Variants in CEBPZ observed in about 807,000 individuals in gnomAD.
The protein encoded by CEBPZ is CCAAT enhancer binding protein zeta, also known as CCAAT/enhancer-binding protein zeta.
Under a neutral mutation model 104.5 loss-of-function variants are expected in CEBPZ, and 78 were observed. The ratio of observed to expected loss-of-function variants is 0.75; its 90% CI spans 0.62 to 0.90. The LOEUF is 0.90. CEBPZ is among the 40% of genes least tolerant of loss of function. CEBPZ has a pLI of 0.00. For missense variants in CEBPZ, 1,439 were observed against 1,233.5 expected (o/e 1.17, Z -2.50); for synonymous variants, 470 against 427.0 (o/e 1.10, Z -1.24).
intron 5 of CEBPZ, 81 bp from the exon 6 acceptor site, chr2:37,217,118 C>A: frequency 8.0e-7 from 1 of 1,253,354 alleles, no homozygotes. Context: ...GAAAATCGGG[C>A]TGGGTGTGGT....
In CEBPZ at chr2:37,201,747, T is replaced by A. The variant is rs759125495; in HGVS notation, c.*17A>T. On this transcript the variant is annotated 3_prime_UTR_variant, in exon 16 of 16. Coordinates refer to ENST00000234170, the MANE Select transcript of CEBPZ (RefSeq NM_005760.3). ...TAGATGTAAGTAGAATTTTAATCTA[T>A]AATTTACATTAATAACTCATTTCCT... The A allele has an allele frequency of 7.7e-6, 10 of 1,290,644 alleles. No homozygotes were observed. Among genetic ancestry groups the A allele is most frequent in the Non-Finnish European group, 1.1e-5 (10 of 899,300 alleles). 79.9% of individuals were successfully genotyped at this position (1,290,644 alleles called of 1,614,324 possible). A position where few individuals can be genotyped will look rare whatever the true frequency, so the allele number is the denominator to read the frequency against.
chr2:37,212,953 C>T (rs1486270159), intron 10 of CEBPZ, among the ~76,000 whole-genome samples: 13 of 150,566 alleles, frequency 8.6e-5, no homozygotes, highest in African/African-American at 2.2e-4. Context: ...GCAGGAAAAT[C>T]GCCTGAGCCC....
At chr2:37,210,884 C>G in intron 13 of CEBPZ, 115 bp downstream of exon 13, 66 of 414,232 alleles carry the variant, frequency 1.6e-4, no homozygotes, top group East Asian at 3.4e-4. Flanking sequence ...TTAAAAAGAA[C>G]CCCCCCCACC....
At chr2:37,205,814 T>C (rs955536145) in intron 13 of CEBPZ, among the ~76,000 whole-genome samples, 4 of 152,212 alleles carry the variant, frequency 2.6e-5, no homozygotes. Flanking sequence ...TATTAGCACC[T>C]TGTGTTACAC....
intron 13 of CEBPZ, chr2:37,203,657 A>T (rs971948449): frequency 6.6e-6 from 1 of 152,242 alleles, no homozygotes; most frequent in Admixed American, 6.5e-5. Flanking sequence ...GACTTGTTCA[A>T]CCACAACCAC....
rs370959543 is a variant in CEBPZ at position 37,223,292 on chromosome 2, C to A, written c.1759G>T (p.Val587Leu). Reference sequence around the variant, plus strand: ...CAAGTAACTTGAAGTAACCTCTTCACAAAAGCCTTCACCCGGCGCAACACA... The same window carrying A: ...CAAGTAACTTGAAGTAACCTCTTCAAAAAAGCCTTCACCCGGCGCAACACA... ...DIVLRRVKAF[V>L]KRLLQVTCQQ... The change falls in exon 3 of 16, where the codon GTG becomes TTG. Residue 587 changes from valine to leucine, a missense_variant. By Grantham distance (32) the Val-to-Leu change is conservative. Coordinates refer to ENST00000234170, the MANE Select transcript of CEBPZ (RefSeq NM_005760.3). The A allele has an allele frequency of 1.5e-5, 25 of 1,613,998 alleles. No homozygotes were observed. In the Admixed American group the frequency reaches 2.0e-4, roughly 13 times the overall value.
chr2:37,211,825 ATTT>A lies in CEBPZ; in HGVS notation c.2800+15_2800+17del, dbSNP rs1407458561. ...GTGAGGAAGACACAGTTTATGTCTTATTTTAAAAAATGCTTACCTGGAACGCTC... is the reference window on the plus strand; with the variant it reads ...GTGAGGAAGACACAGTTTATGTCTTATAAAAAATGCTTACCTGGAACGCTC... On this transcript the variant is annotated intron_variant, in intron 12 of 15. Transcript: ENST00000234170. 1 of 1,554,590 alleles carries A rather than the reference ATTT, an allele frequency of 6.4e-7. No homozygotes were observed. The highest frequency in any genetic ancestry group is 8.7e-7 in the Non-Finnish European group (1 of 1,151,966).
intron 10 of CEBPZ, among the ~76,000 whole-genome samples, chr2:37,213,060 A>G (rs1036980146): frequency 9.9e-5 from 15 of 151,662 alleles, no homozygotes; most frequent in Middle Eastern, 3.4e-3. Context: ...AAACAAACAA[A>G]CCCCCCAAAA....
chr2:37,229,417 T>C (rs113907043), intron 1 of CEBPZ, among the ~76,000 whole-genome samples: 13 of 152,068 alleles, frequency 8.5e-5, no homozygotes, highest in African/African-American at 2.9e-4. Flanking sequence ...AAAAAAAGGG[T>C]TCTTTAAGAA....
In CEBPZ at chr2:37,211,793, T is replaced by C. The variant is rs374291800; in HGVS notation, c.2800+50A>G. On this transcript the variant is annotated intron_variant, in intron 12 of 15. Transcript: ENST00000234170. ...TTTAGCAGAAAAACAAACTTAAGGC[T>C]AAGGAAGTGAGGAAGACACAGTTTA... is the stretch of plus-strand genomic sequence containing the variant. 2.2e-6 allele frequency: 3 copies of C among 1,377,500 alleles called. No individual in the cohort carries two copies. The African/African-American group carries it at 4.3e-5, about 20-fold the overall frequency. The allele number at this position is 1,377,500 out of a possible 1,614,324, so 85.3% of individuals were successfully genotyped here. A position where few individuals can be genotyped will look rare whatever the true frequency, so the allele number is the denominator to read the frequency against.
intron 10 of CEBPZ, among the ~76,000 whole-genome samples, chr2:37,212,897 G>T (rs1247384169): frequency 4.0e-5 from 6 of 150,086 alleles, no homozygotes; most frequent in African/African-American, 1.5e-4. Flanking sequence ...AAACGAGCCG[G>T]ACATCATGGC....
intron 1 of CEBPZ, among the ~76,000 whole-genome samples, chr2:37,229,392 AT>A (rs1471911503): frequency 6.6e-6 from 1 of 152,258 alleles, no homozygotes; most frequent in Non-Finnish European, 1.5e-5. Context: ...TGCAAAGGAC[AT>A]GAACAGTTCA....
intron 13 of CEBPZ, chr2:37,204,077 A>G (rs1237829344): frequency 1.3e-5 from 2 of 152,200 alleles, no homozygotes; most frequent in African/African-American, 4.8e-5. Flanking sequence ...GGTGATATGT[A>G]TGTTACTTAA....
chr2:37,213,874 T>A lies in CEBPZ; in HGVS notation c.2535A>T (p.Glu845Asp). The A allele has an allele frequency of 6.2e-7, 1 of 1,606,296 alleles. No individual in the cohort carries two copies. The highest frequency in any genetic ancestry group is 8.5e-7 in the Non-Finnish European group (1 of 1,175,806). ...SIEDVDDEEF[E>D]ELIDTFEDDN... Reference sequence around the variant, plus strand: ...AACAAAACAAATTACCAATCAGCTCTTCAAATTCTTCATCATCCACGTCTT... The same window carrying A: ...AACAAAACAAATTACCAATCAGCTCATCAAATTCTTCATCATCCACGTCTT... Residue 845 changes from glutamate to aspartate, a missense_variant, in exon 10 of 16, where the codon GAA becomes GAT. By Grantham distance (45) the Glu-to-Asp change is conservative. Coordinates refer to ENST00000234170, the MANE Select transcript of CEBPZ (RefSeq NM_005760.3).
chr2:37,228,416 G>A lies in CEBPZ; in HGVS notation c.777C>T (p.Ala259=), dbSNP rs777587236. 6.2e-6 allele frequency: 10 copies of A among 1,614,018 alleles called. No individual in the cohort carries two copies. The highest frequency in any genetic ancestry group is 4.4e-5 in the South Asian group (4 of 91,072). Residue 259 remains alanine, a synonymous_variant, in exon 2 of 16, where the codon GCC becomes GCT. Coordinates refer to ENST00000234170, the MANE Select transcript of CEBPZ (RefSeq NM_005760.3). The part of the protein sequence containing the change: ...AAMILLIQDD[A]VHTLQFVETL... ...TTTCTACAAACTGAAGTGTGTGAACGGCATCATCCTGAATAAGAAGAATCA... is the reference window on the plus strand; with the variant it reads ...TTTCTACAAACTGAAGTGTGTGAACAGCATCATCCTGAATAAGAAGAATCA...
At chr2:37,206,935 A>G (rs1363813088) in intron 13 of CEBPZ, among the ~76,000 whole-genome samples, 1 of 151,884 alleles carries the variant, frequency 6.6e-6, no homozygotes, top group African/African-American at 2.4e-5. Context: ...ACTCACATAA[A>G]CTTAAGGTAA....
At chr2:37,216,929 T>C (rs1034378694) in intron 6 of CEBPZ, 55 bp downstream of exon 6, 3 of 1,384,970 alleles carry the variant, frequency 2.2e-6, no homozygotes, top group South Asian at 1.2e-5. Context: ...TTATTGATTA[T>C]CTAAAATGAT....
chr2:37,224,340 C>T (rs1220986478), intron 2 of CEBPZ, among the ~76,000 whole-genome samples: 1 of 152,144 alleles, frequency 6.6e-6, no homozygotes, highest in African/African-American at 2.4e-5. Flanking sequence ...ATTAGGACAC[C>T]CAGAATTAAC....
At chr2:37,209,036 A>T (rs1262839310) in intron 13 of CEBPZ, 1 of 106,900 alleles carries the variant, frequency 9.4e-6, no homozygotes, top group Non-Finnish European at 1.8e-5. Flanking sequence ...TACCCCCCTT[A>T]CAACACCTGC....
Sources: gnomAD v4.1 joint callset for allele counts (sites outside exome capture counted in the v4.1 genomes callset) on GRCh38, gnomAD v4.1.1 for gene constraint, MANE v1.5 for transcripts, NCBI Gene and HGNC (gene_info 2026-07-23, HGNC 2026-07-21) for gene names.